Variants in WWTR1 observed in about 807,000 individuals in gnomAD.
WWTR1 encodes WW domain containing transcription regulator 1.
WWTR1 carries 13 observed loss-of-function variants against 40.1 expected under a neutral mutation model. The observed-to-expected ratio is 0.32, with a 90% CI of 0.21 to 0.52. The LOEUF (loss-of-function observed/expected upper bound fraction) is 0.52. Ranked by LOEUF, WWTR1 falls within the 20% of genes least tolerant of loss-of-function variation. The pLI is 0.97. For synonymous variants in WWTR1, 230 were observed against 210.1 expected (o/e 1.09, Z -0.82); for missense variants, 436 against 523.1 (o/e 0.83, Z 1.63).
At chr3:149,679,671 C>T (rs988466308) in intron 1 of WWTR1, among the ~76,000 whole-genome samples, 1 of 149,966 alleles carries the variant, frequency 6.7e-6, no homozygotes, top group Non-Finnish European at 1.5e-5. Flanking sequence ...AAAATGCCAA[C>T]ACAGAAAGGT....
rs1407952279 is a variant in WWTR1, at chr3:149,551,506, A to G, written c.569-8969T>C. Among the ~76,000 whole-genome samples the G allele has an allele frequency of 2.1e-5, 3 of 145,544 alleles. 1 individual carries two copies. The highest frequency in any genetic ancestry group is 4.5e-5 in the Non-Finnish European group (3 of 66,284). ...AGTTCATATAAACTTCATCAGAAAC[A>G]CTTTCCAGGAACCTAAACCCAACAT... On this transcript the variant is annotated intron_variant, in intron 3 of 6. Transcript: ENST00000360632.
At chr3:149,665,227 C>CT (rs11398199) in intron 2 of WWTR1, among the ~76,000 whole-genome samples, 25,546 of 128,100 alleles carry the variant, frequency 0.2, 3,101 homozygotes, top group Admixed American at 0.3. Context: ...TCCTTTCTTT[C>CT]TTTTTTTTTT....
chr3:149,647,955 CTT>C (rs957978493), intron 2 of WWTR1, among the ~76,000 whole-genome samples: 3 of 152,224 alleles, frequency 2.0e-5, no homozygotes, highest in African/African-American at 7.2e-5. Context: ...CAACACCTAT[CTT>C]TTAATACAAG....
At chr3:149,684,621 T>TG (rs145130870) in intron 1 of WWTR1, among the ~76,000 whole-genome samples, 3,191 of 152,056 alleles carry the variant, frequency 0.021, 64 homozygotes, top group South Asian at 0.092. Context: ...TGGAGTGCCA[T>TG]GGGGCGATCC....
chr3:149,620,390 G>T (rs779532296), intron 2 of WWTR1, among the ~76,000 whole-genome samples: 2 of 152,150 alleles, frequency 1.3e-5, no homozygotes, highest in Non-Finnish European at 2.9e-5. Flanking sequence ...GGCAACCACA[G>T]AATTCATCTT....
chr3:149,551,038 C>G (rs1251996192), intron 3 of WWTR1, among the ~76,000 whole-genome samples: 1 of 144,454 alleles, frequency 6.9e-6, no homozygotes, highest in Non-Finnish European at 1.5e-5. Flanking sequence ...GTGGCTCAGG[C>G]AGTAATCCCA....
intron 2 of WWTR1, among the ~76,000 whole-genome samples, chr3:149,588,614 A>G (rs181051194): frequency 6.6e-6 from 1 of 152,316 alleles, no homozygotes; most frequent in Non-Finnish European, 1.5e-5. Flanking sequence ...CGTTTTGGTA[A>G]ATAGAACACA....
chr3:149,650,500 T>C (rs186980766), intron 2 of WWTR1, among the ~76,000 whole-genome samples: 147 of 152,276 alleles, frequency 9.7e-4, no homozygotes, highest in South Asian at 2.3e-3. Flanking sequence ...CGTAAAAGCA[T>C]CTAGGGTTAT....
At chr3:149,578,375 C>A (rs1298481842) in intron 2 of WWTR1, among the ~76,000 whole-genome samples, 1 of 152,106 alleles carries the variant, frequency 6.6e-6, no homozygotes, top group Non-Finnish European at 1.5e-5. Flanking sequence ...TTATGACCAC[C>A]AAAGTCACTT....
At chr3:149,674,273 T>TTC (rs1325271141) in intron 1 of WWTR1, among the ~76,000 whole-genome samples, 1 of 149,738 alleles carries the variant, frequency 6.7e-6, no homozygotes, top group Non-Finnish European at 1.5e-5. Context: ...CTCTATCTCT[T>TTC]TCTCTCTCAC....
chr3:149,689,358 G>A (rs190695698), intron 1 of WWTR1, among the ~76,000 whole-genome samples: 32 of 137,534 alleles, frequency 2.3e-4, no homozygotes, highest in African/African-American at 7.4e-4. Context: ...TCCAACCTGG[G>A]TGACAGAGTG....
In WWTR1 at chr3:149,638,204, G is replaced by A. The variant is rs554206636; in HGVS notation, c.431+18672C>T. ...GCACTCCAGCCTGGGCAACAAGAGC[G>A]AAACTTTGTCAAAAAAAGAAAGAAA... On this transcript the variant is annotated intron_variant, in intron 2 of 6. Transcript: ENST00000360632. Among the ~76,000 whole-genome samples the A allele has an allele frequency of 9.9e-5, 15 of 152,084 alleles. No homozygotes were observed. The East Asian group carries it at 1.2e-3, about 12-fold the overall frequency.
At chr3:149,628,822 A>G (rs1046217450) in intron 2 of WWTR1, among the ~76,000 whole-genome samples, 7 of 150,790 alleles carry the variant, frequency 4.6e-5, no homozygotes, top group Admixed American at 4.0e-4. Flanking sequence ...CAGGCTAGAT[A>G]GAGTACAGTG....
intron 1 of WWTR1, among the ~76,000 whole-genome samples, chr3:149,697,535 C>A (rs1015350328): frequency 5.3e-5 from 8 of 152,154 alleles, no homozygotes; most frequent in African/African-American, 1.9e-4. Flanking sequence ...CATGATCCAA[C>A]CTCCTCCCAC....
chr3:149,610,991 A>T (rs114144840), intron 2 of WWTR1, among the ~76,000 whole-genome samples: 6,123 of 151,198 alleles, frequency 0.04, 388 homozygotes, highest in African/African-American at 0.14. Flanking sequence ...AAAAAAAAAA[A>T]TTTTTTTTAA....
chr3:149,620,806 G>A (rs1331840691), intron 2 of WWTR1, among the ~76,000 whole-genome samples: 2 of 152,106 alleles, frequency 1.3e-5, no homozygotes, highest in East Asian at 3.9e-4. Flanking sequence ...CCCACATGGG[G>A]GAATAAACCA....
At chr3:149,524,327 GTTTTTTTTT>G (rs3044124) in intron 6 of WWTR1, among the ~76,000 whole-genome samples, 1 of 139,292 alleles carries the variant, frequency 7.2e-6, no homozygotes, top group Non-Finnish European at 1.5e-5. Flanking sequence ...CTCTTTTATG[GTTTTTTTTT>G]TTTTTTTTTG....
chr3:149,625,802 A>C (rs963802571), intron 2 of WWTR1, among the ~76,000 whole-genome samples: 1 of 151,978 alleles, frequency 6.6e-6, no homozygotes, highest in Admixed American at 6.6e-5. Context: ...AAAAAAAAAA[A>C]GCGGAAATTA....
chr3:149,629,208 C>T (rs530295898), intron 2 of WWTR1, among the ~76,000 whole-genome samples: 2 of 152,322 alleles, frequency 1.3e-5, no homozygotes, highest in South Asian at 4.1e-4. Context: ...ACCTCAGACT[C>T]CCTATTAAAA....
Sources: allele counts gnomAD v4.1 joint callset (sites outside exome capture counted in the v4.1 genomes callset), GRCh38; gene constraint gnomAD v4.1.1; transcripts MANE v1.5; gene names NCBI Gene and HGNC (gene_info 2026-07-23, HGNC 2026-07-21).